KALRN: variants seen among roughly 807,000 people sequenced by gnomAD.
KALRN encodes kalirin.
Under a neutral mutation model 353.7 loss-of-function variants are expected in KALRN, and 70 were observed. The ratio of observed to expected loss-of-function variants is 0.20; its 90% CI spans 0.16 to 0.24. The LOEUF is 0.24. KALRN is among the 10% of genes least tolerant of loss of function. KALRN has a pLI of 1.00. For missense variants in KALRN, 2,791 were observed against 3,756.7 expected (o/e 0.74, Z 6.72); for synonymous variants, 1,391 against 1,434.8 (o/e 0.97, Z 0.69).
chr3:124,450,265 G>T lies in KALRN; in HGVS notation c.3552+3380G>T, dbSNP rs146303798. Among the ~76,000 whole-genome samples the T allele has an allele frequency of 6.9e-3, 1,044 of 152,198 alleles. 6 individuals are homozygous for T. Among genetic ancestry groups the T allele is most frequent in the Non-Finnish European group, 0.01 (706 of 68,008 alleles). ...AGGGTGTGGAGTGGTATTCATTGTG[G>T]GTTTTGATTTGCATTTGCCAATGAC... On this transcript the variant is annotated intron_variant, in intron 21 of 59. Coordinates refer to ENST00000682506, the MANE Select transcript of KALRN (RefSeq NM_001388419.1).
At chr3:124,206,391 A>G (rs2076414435) in intron 1 of KALRN, among the ~76,000 whole-genome samples, 1 of 152,210 alleles carries the variant, frequency 6.6e-6, no homozygotes, top group South Asian at 2.1e-4. Context: ...CTCACCTTCC[A>G]TTGACCAGAG....
intron 15 of KALRN, among the ~76,000 whole-genome samples, chr3:124,427,596 T>A (rs2093079853): frequency 6.6e-6 from 1 of 152,236 alleles, no homozygotes; most frequent in Non-Finnish European, 1.5e-5. Context: ...TCCATTCTCC[T>A]GACTTGGGCT....
chr3:124,267,914 G>A (rs893064490), intron 4 of KALRN, among the ~76,000 whole-genome samples: 11 of 152,180 alleles, frequency 7.2e-5, no homozygotes, highest in Admixed American at 2.0e-4. Flanking sequence ...ATTACACAGA[G>A]GAGGAGACTG....
intron 1 of KALRN, among the ~76,000 whole-genome samples, chr3:124,121,093 C>CAAAAAAAAAAAAAAA (rs35883031): frequency 2.7e-5 from 2 of 75,094 alleles, no homozygotes; most frequent in African/African-American, 5.3e-5. Context: ...GACTCCATCT[C>CAAAAAAAAAAAAAAA]AAAAAAAAAA....
At chr3:124,606,744 A>G (rs1197912825) in intron 34 of KALRN, among the ~76,000 whole-genome samples, 1 of 152,238 alleles carries the variant, frequency 6.6e-6, no homozygotes, top group Non-Finnish European at 1.5e-5. Flanking sequence ...ATAAAAGATT[A>G]AGACCCAGAA....
intron 3 of KALRN, among the ~76,000 whole-genome samples, chr3:124,243,862 T>A (rs753001879): frequency 2.0e-4 from 31 of 152,224 alleles, no homozygotes; most frequent in Non-Finnish European, 4.3e-4. Flanking sequence ...CAGAAGGGGC[T>A]GACAACAACT....
chr3:124,618,700 G>C (rs1000385458), intron 34 of KALRN, among the ~76,000 whole-genome samples: 2 of 152,168 alleles, frequency 1.3e-5, no homozygotes, highest in Non-Finnish European at 2.9e-5. Context: ...GAGTGGCCCT[G>C]ATTTATGGGG....
At chr3:124,459,219 T>C (rs1338382145) in intron 23 of KALRN, among the ~76,000 whole-genome samples, 1 of 152,122 alleles carries the variant, frequency 6.6e-6, no homozygotes, top group African/African-American at 2.4e-5. Context: ...AGTGAGTGAA[T>C]TGTAGATGTT....
chr3:124,114,990 G>C (rs1028741228), intron 1 of KALRN, among the ~76,000 whole-genome samples: 1 of 152,218 alleles, frequency 6.6e-6, no homozygotes, highest in Non-Finnish European at 1.5e-5. Context: ...TCATGAGAAT[G>C]ACAGTGAAGG....
chr3:124,581,543 G>A (rs936718369), intron 34 of KALRN, among the ~76,000 whole-genome samples: 1 of 152,194 alleles, frequency 6.6e-6, no homozygotes, highest in African/African-American at 2.4e-5. Flanking sequence ...AGGATGAGAT[G>A]TCATTAGTCT....
At chr3:124,411,984 G>T (rs916070923) in intron 13 of KALRN, among the ~76,000 whole-genome samples, 3 of 152,084 alleles carry the variant, frequency 2.0e-5, no homozygotes, top group Non-Finnish European at 4.4e-5. Flanking sequence ...AGAACCTAGG[G>T]CAGTGAGAGT....
At chr3:124,673,930 AT>A (rs1359061842) in intron 48 of KALRN, among the ~76,000 whole-genome samples, 1 of 152,162 alleles carries the variant, frequency 6.6e-6, no homozygotes, top group Admixed American at 6.5e-5. Flanking sequence ...AAAGAGAAAA[AT>A]TTAATATCAA....
At chr3:124,580,589 C>T (rs2074533143) in intron 34 of KALRN, among the ~76,000 whole-genome samples, 1 of 152,200 alleles carries the variant, frequency 6.6e-6, no homozygotes, top group Non-Finnish European at 1.5e-5. Flanking sequence ...TCTATTAACC[C>T]TCTCAACTAA....
intron 25 of KALRN, among the ~76,000 whole-genome samples, chr3:124,463,306 CAAA>C (rs1390905590): frequency 6.6e-6 from 1 of 152,126 alleles, no homozygotes; most frequent in Admixed American, 6.5e-5. Flanking sequence ...TCTCAAGACA[CAAA>C]GAAGAACATG....
At chr3:124,602,946 T>TGTTGCTGTTGTTTTG (rs1306270170) in intron 34 of KALRN, among the ~76,000 whole-genome samples, 1 of 151,404 alleles carries the variant, frequency 6.6e-6, no homozygotes, top group Non-Finnish European at 1.5e-5. Context: ...CGTGGTTTTT[T>TGTTGCTGTTGTTTTG]TTTTGTTGTT....
chr3:124,487,960 C>A (rs2062740430), intron 28 of KALRN, among the ~76,000 whole-genome samples: 1 of 152,154 alleles, frequency 6.6e-6, no homozygotes, highest in African/African-American at 2.4e-5. Flanking sequence ...ACAGGTCAAG[C>A]CATTTGGGAG....
intron 10 of KALRN, among the ~76,000 whole-genome samples, chr3:124,354,410 G>A (rs6438841): frequency 0.42 from 63,952 of 151,928 alleles, 13,515 homozygotes; most frequent in Admixed American, 0.47. Flanking sequence ...GGCAAGGGAT[G>A]GAGTGCATCT....
rs564676025 is a variant in KALRN at position 124,343,351 on chromosome 3, A to G, written c.1648-3792A>G. On this transcript the variant is annotated intron_variant, in intron 9 of 59. Transcript: ENST00000682506. ...TTTTTTGTATTTTTTGTAGAGACAG[A>G]GTTTTGCCATGTTACAGAGGCTTGT... 1.3e-5 allele frequency among the ~76,000 whole-genome samples: 2 copies of G among 152,076 alleles called. 1 individual carries two copies. The highest frequency in any genetic ancestry group is 4.8e-5 in the African/African-American group (2 of 41,492).
intron 9 of KALRN, among the ~76,000 whole-genome samples, chr3:124,339,442 T>C (rs894289175): frequency 2.0e-5 from 3 of 152,300 alleles, no homozygotes. Flanking sequence ...AGCAAGACAT[T>C]TATTTTGATC....
Sources: allele counts gnomAD v4.1 joint callset (sites outside exome capture counted in the v4.1 genomes callset), GRCh38; gene constraint gnomAD v4.1.1; transcripts MANE v1.5; gene names NCBI Gene and HGNC (gene_info 2026-07-23, HGNC 2026-07-21).